Variants in CERT1 observed in about 807,000 individuals in gnomAD.
CERT1 encodes ceramide transfer protein.
CERT1 carries 31 observed loss-of-function variants against 87.9 expected under a neutral mutation model. That is an observed-to-expected ratio of 0.35 (90% confidence interval 0.27 to 0.48). CERT1 has a LOEUF of 0.48. Ranked by LOEUF, CERT1 falls within the 20% of genes least tolerant of loss-of-function variation. The pLI, the probability that CERT1 is intolerant of heterozygous loss-of-function variation, is 0.99. For missense variants in CERT1, 487 were observed against 758.0 expected, an observed-to-expected ratio of 0.64 and a Z score of 4.20; for synonymous variants, 289 against 250.9, an observed-to-expected ratio of 1.15 and a Z score of -1.44.
intron 8 of CERT1, chr5:75,410,568 C>T (rs1762893176): frequency 6.6e-6 from 1 of 150,778 alleles, no homozygotes; most frequent in Non-Finnish European, 1.5e-5. Flanking sequence ...CGAGATCGCG[C>T]CACTGCACTC....
chr5:75,511,558 A>T lies in CERT1; in HGVS notation c.-351T>A. 6.9e-7 allele frequency: 1 copy of T among 1,457,020 alleles called. No individual in the cohort carries two copies. Among genetic ancestry groups the T allele is most frequent in the Non-Finnish European group, 9.0e-7 (1 of 1,107,016 alleles). The allele number at this position is 1,457,020 out of a possible 1,614,324, so 90.3% of individuals were successfully genotyped here. ...AAAAGGGAAAAGAAGGGAAGAGAAAATCCGGCCGCTGAGTCCCGCGTCCAC... is the reference window on the plus strand; with the variant it reads ...AAAAGGGAAAAGAAGGGAAGAGAAATTCCGGCCGCTGAGTCCCGCGTCCAC... On this transcript the variant is annotated 5_prime_UTR_variant, in exon 1 of 17. Transcript: ENST00000643780.
chr5:75,454,717 G>C (rs764160944), intron 3 of CERT1, among the ~76,000 whole-genome samples: 5 of 152,188 alleles, frequency 3.3e-5, no homozygotes, highest in Non-Finnish European at 7.3e-5. Context: ...ACAAGAAGTT[G>C]CCGAAGAACT....
At chr5:75,495,277 C>A (rs1020233010) in intron 2 of CERT1, among the ~76,000 whole-genome samples, 4 of 152,150 alleles carry the variant, frequency 2.6e-5, no homozygotes, top group African/African-American at 4.8e-5. Flanking sequence ...AAAGACATGA[C>A]CAGGTGCAGT....
intron 8 of CERT1, among the ~76,000 whole-genome samples, chr5:75,405,197 C>T (rs1015999766): frequency 2.4e-4 from 36 of 152,170 alleles, no homozygotes; most frequent in African/African-American, 8.4e-4. Flanking sequence ...AGCTACTTAT[C>T]TGCCCCCTTA....
chr5:75,511,502 C>T lies in CERT1; in HGVS notation c.-295G>A. 1 of 1,485,044 alleles carries T rather than the reference C, an allele frequency of 6.7e-7. No homozygotes were observed. The highest frequency in any genetic ancestry group is 8.9e-7 in the Non-Finnish European group (1 of 1,119,424). The allele number at this position is 1,485,044 out of a possible 1,614,324, so 92.0% of individuals were successfully genotyped here. On this transcript the variant is annotated 5_prime_UTR_variant, in exon 1 of 17. Transcript: ENST00000643780. ...GCCCGGCGCTGCCACCCGAACTTAG[C>T]CCCCTCGATGCCAATTTCAAATAGG...
At chr5:75,501,640 TAAG>T (rs1397876420) in intron 2 of CERT1, among the ~76,000 whole-genome samples, 1 of 152,132 alleles carries the variant, frequency 6.6e-6, no homozygotes, top group African/African-American at 2.4e-5. Flanking sequence ...AAACAGAGGA[TAAG>T]AAGGACAAGC....
rs375365576 is a variant in CERT1 at position 75,411,302 on chromosome 5, T to TG, written c.838-200_838-199insC. The stretch of plus-strand genomic sequence containing the variant: ...GCTATAAATTACTTACAACCTACTA[T>TG]TTATGTATGTATGTATGTATGTATT... On this transcript the variant is annotated intron_variant, in intron 7 of 16. Transcript: ENST00000643780. 1.2e-3 allele frequency among the ~76,000 whole-genome samples: 174 copies of TG among 150,264 alleles called. 2 individuals are homozygous for TG. The South Asian group carries it at 0.036, about 31-fold the overall frequency.
intron 3 of CERT1, among the ~76,000 whole-genome samples, chr5:75,452,046 T>C (rs185216026): frequency 6.6e-6 from 1 of 152,330 alleles, no homozygotes; most frequent in East Asian, 1.9e-4. Context: ...GTTTTCCACA[T>C]AATTTCCTCA....
In CERT1 at chr5:75,372,759, CT is replaced by C. The variant is rs1341353741; in HGVS notation, c.*10-4102del. ...CCCATCATTAAATTATTATCTTGCACTTATCATTAAGACTCCATTACCATGT... is the reference window on the plus strand; with the variant it reads ...CCCATCATTAAATTATTATCTTGCACTATCATTAAGACTCCATTACCATGT... On this transcript the variant is annotated intron_variant, in intron 17 of 17. Transcript: ENST00000261415. 5 of 152,202 alleles carry C rather than the reference CT, an allele frequency of 3.3e-5. 1 individual carries two copies. Among genetic ancestry groups the C allele is most frequent in the African/African-American group, 1.2e-4 (5 of 41,436 alleles). 9.4% of individuals were successfully genotyped at this position (152,202 alleles called of 1,614,324 possible).
chr5:75,370,461 G>A (rs886212597), intron 17 of CERT1: 1 of 152,134 alleles, frequency 6.6e-6, no homozygotes, highest in Non-Finnish European at 1.5e-5. Flanking sequence ...CCAGCACTGT[G>A]CTTCCATTTT....
intron 2 of CERT1, among the ~76,000 whole-genome samples, chr5:75,484,986 A>G (rs1039243220): frequency 2.0e-5 from 3 of 152,178 alleles, no homozygotes; most frequent in Non-Finnish European, 4.4e-5. Context: ...AAATCAAAAA[A>G]TTCAAAATAA....
chr5:75,447,627 C>G (rs373058190), intron 3 of CERT1, among the ~76,000 whole-genome samples: 1 of 151,754 alleles, frequency 6.6e-6, no homozygotes, highest in Non-Finnish European at 1.5e-5. Flanking sequence ...CCCACCACCA[C>G]GCCCAGCTAA....
chr5:75,497,448 A>G (rs906887311), intron 2 of CERT1, among the ~76,000 whole-genome samples: 37 of 152,140 alleles, frequency 2.4e-4, no homozygotes, highest in Non-Finnish European at 1.6e-4. Context: ...GAAATTTAGT[A>G]ATCTGCCAAA....
chr5:75,401,288 A>T (rs982264949), intron 9 of CERT1: 1 of 152,224 alleles, frequency 6.6e-6, no homozygotes, highest in Non-Finnish European at 1.5e-5. Flanking sequence ...GGAAGGGTTC[A>T]TCAATTCTCT....
intron 2 of CERT1, among the ~76,000 whole-genome samples, chr5:75,492,943 T>C (rs913839730): frequency 1.3e-5 from 2 of 152,220 alleles, no homozygotes; most frequent in African/African-American, 4.8e-5. Flanking sequence ...ATCCAGGGTT[T>C]CTGATCCATT....
At chr5:75,389,726 T>C (rs749869718) in intron 11 of CERT1, 39 bp from the exon 12 acceptor site, 2 of 1,465,134 alleles carry the variant, frequency 1.4e-6, no homozygotes, top group Non-Finnish European at 1.9e-6. Context: ...ATCCAAAAGG[T>C]ATGTCATAAT....
chr5:75,467,770 C>T (rs183519988), intron 2 of CERT1, among the ~76,000 whole-genome samples: 1 of 151,678 alleles, frequency 6.6e-6, no homozygotes, highest in South Asian at 2.1e-4. Context: ...TACACAGATG[C>T]ACAGATGAGT....
chr5:75,389,851 C>T (rs1444488955), intron 11 of CERT1, among the ~76,000 whole-genome samples, 164 bp from the exon 12 acceptor site: 1 of 152,180 alleles, frequency 6.6e-6, no homozygotes, highest in Non-Finnish European at 1.5e-5. Flanking sequence ...AGAGTTTAGT[C>T]CACATTCCAG....
At chr5:75,469,885 A>G (rs570131375) in intron 2 of CERT1, among the ~76,000 whole-genome samples, 1 of 152,274 alleles carries the variant, frequency 6.6e-6, no homozygotes, top group African/African-American at 2.4e-5. Context: ...AAGATATTCT[A>G]TGCAACTAGA....
Sources: allele counts gnomAD v4.1 joint callset (sites outside exome capture counted in the v4.1 genomes callset), GRCh38; gene constraint gnomAD v4.1.1; transcripts MANE v1.5; gene names NCBI Gene and HGNC (gene_info 2026-07-23, HGNC 2026-07-21).